The following NIFK variants were observed in gnomAD, a reference collection of about 807,000 sequenced individuals.
NIFK encodes the protein MKI67 FHA domain-interacting nucleolar phosphoprotein.
In NIFK, 16 loss-of-function variants were observed where a neutral mutation model predicts 31.7. The observed-to-expected ratio is 0.50, with a 90% CI of 0.34 to 0.77. NIFK has a LOEUF of 0.77. NIFK is among the 30% of genes least tolerant of loss of function. The pLI is 0.01. For synonymous variants in NIFK, 126 were observed against 123.0 expected, an observed-to-expected ratio of 1.02 and a Z score of -0.16; for missense variants, 341 against 350.4, an observed-to-expected ratio of 0.97 and a Z score of 0.21.
intron 1 of NIFK, 99 bp downstream of exon 1, chr2:121,736,647 A>T: frequency 4.0e-6 from 4 of 1,010,160 alleles, no homozygotes; most frequent in Admixed American, 1.9e-5. Flanking sequence ...GCGAGCACGA[A>T]GGCAAGGGGC....
chr2:121,727,917 A>G lies in NIFK; in HGVS notation c.694-5T>C, dbSNP rs1344382103. The G allele has an allele frequency of 6.3e-7, 1 of 1,579,170 alleles. No individual in the cohort carries two copies. Among genetic ancestry groups the G allele is most frequent in the Non-Finnish European group, 8.5e-7 (1 of 1,170,812 alleles). On this transcript the variant is annotated splice_region_variant and splice_polypyrimidine_tract_variant and intron_variant, in intron 6 of 6. Coordinates refer to ENST00000285814, the MANE Select transcript of NIFK (RefSeq NM_032390.5). ...TGTACAAACTGGTGTGGGGCCCTGG[A>G]TTCAACAAGTAAAGATTATAATACA... is the stretch of plus-strand genomic sequence containing the variant.
chr2:121,727,322 T>A lies in NIFK; in HGVS notation c.*402A>T, dbSNP rs531830288. 1 of 451,220 alleles carries A rather than the reference T, an allele frequency of 2.2e-6. No individual in the cohort carries two copies. The highest frequency in any genetic ancestry group is 2.6e-5 in the Admixed American group (1 of 37,754). The allele number at this position is 451,220 out of a possible 1,614,324, so 28.0% of individuals were successfully genotyped here. A position where few individuals can be genotyped will look rare whatever the true frequency, so the allele number is the denominator to read the frequency against. Reference sequence around the variant, plus strand: ...TTGAAATCTAAAGCACCTCCATGAGTTAAATGTCCCCGACAAACCATGTAG... The same window carrying A: ...TTGAAATCTAAAGCACCTCCATGAGATAAATGTCCCCGACAAACCATGTAG... On this transcript the variant is annotated 3_prime_UTR_variant, in exon 7 of 7. Coordinates refer to ENST00000285814, the MANE Select transcript of NIFK (RefSeq NM_032390.5).
rs985483098 is a variant in NIFK, at chr2:121,727,334, G to A, written c.*390C>T. 4 of 464,708 alleles carry A rather than the reference G, an allele frequency of 8.6e-6. No homozygotes were observed. Among genetic ancestry groups the A allele is most frequent in the Non-Finnish European group, 1.8e-5 (4 of 225,412 alleles). 28.8% of individuals were successfully genotyped at this position (464,708 alleles called of 1,614,324 possible). A position where few individuals can be genotyped will look rare whatever the true frequency, so the allele number is the denominator to read the frequency against. ...GCACCTCCATGAGTTAAATGTCCCCGACAAACCATGTAGATGGACAAACAA... is the reference window on the plus strand; with the variant it reads ...GCACCTCCATGAGTTAAATGTCCCCAACAAACCATGTAGATGGACAAACAA... On this transcript the variant is annotated 3_prime_UTR_variant, in exon 7 of 7. Transcript: ENST00000285814.
At position 121,729,147 on chromosome 2, in the gene NIFK, G is replaced by C. The variant is rs535959567; in HGVS notation, c.565-611C>G. On this transcript the variant is annotated intron_variant, in intron 4 of 6. Coordinates refer to ENST00000285814, the MANE Select transcript of NIFK (RefSeq NM_032390.5). The stretch of plus-strand genomic sequence containing the variant: ...GAGGCCAAGGTGGGTGGATCATGAG[G>C]TCAGGAGTTCGAGACCAGCCTGGCT... 2.1e-3 allele frequency among the ~76,000 whole-genome samples: 317 copies of C among 152,202 alleles called. 2 individuals carry two copies. Among genetic ancestry groups the C allele is most frequent in the African/African-American group, 7.3e-3 (302 of 41,536 alleles).
intron 2 of NIFK, among the ~76,000 whole-genome samples, chr2:121,734,094 C>T (rs934048651): frequency 6.8e-6 from 1 of 146,094 alleles, no homozygotes; most frequent in South Asian, 2.1e-4. Context: ...TTGAGACCAG[C>T]CTGGCCAAAA....
intron 4 of NIFK, among the ~76,000 whole-genome samples, chr2:121,729,408 A>G (rs922120345): frequency 5.3e-5 from 8 of 151,566 alleles, no homozygotes; most frequent in Non-Finnish European, 7.4e-5. Context: ...ACCTTTACCT[A>G]TACTAGCCAT....
chr2:121,728,143 G>T (rs2074505380), intron 6 of NIFK, 145 bp downstream of exon 6: 2 of 710,472 alleles, frequency 2.8e-6, no homozygotes, highest in Non-Finnish European at 4.6e-6. Context: ...GTTTTAGGCA[G>T]AAAATTGCTA....
intron 2 of NIFK, among the ~76,000 whole-genome samples, chr2:121,734,964 T>C (rs892777579): frequency 1.3e-5 from 2 of 152,196 alleles, no homozygotes; most frequent in Non-Finnish European, 2.9e-5. Context: ...TAGGTGTCTA[T>C]GGCTACAACC....
intron 2 of NIFK, 32 bp from the exon 3 acceptor site, chr2:121,732,236 A>T: frequency 7.6e-7 from 1 of 1,319,856 alleles, no homozygotes; most frequent in Non-Finnish European, 1.1e-6. Flanking sequence ...AAAAAGTAGA[A>T]CAATTAAATT....
At chr2:121,729,236 G>A (rs1355265679) in intron 4 of NIFK, among the ~76,000 whole-genome samples, 3 of 152,034 alleles carry the variant, frequency 2.0e-5, no homozygotes, top group Non-Finnish European at 2.9e-5. Context: ...GTGTGGTGGT[G>A]TGTGCCTGTA....
chr2:121,729,209 T>C (rs2074518340), intron 4 of NIFK, among the ~76,000 whole-genome samples: 1 of 151,376 alleles, frequency 6.6e-6, no homozygotes, highest in Non-Finnish European at 1.5e-5. Context: ...CTAAAAAAAA[T>C]ACAAAAAATT....
At chr2:121,730,828 A>T (rs1253840437) in intron 4 of NIFK, 65 bp downstream of exon 4, 1 of 1,082,658 alleles carries the variant, frequency 9.2e-7, no homozygotes, top group Non-Finnish European at 1.4e-6. Context: ...GGTACTTTAC[A>T]AGGTACAAAG....
intron 2 of NIFK, among the ~76,000 whole-genome samples, chr2:121,734,155 G>T (rs1350934431): frequency 6.6e-6 from 1 of 151,780 alleles, no homozygotes; most frequent in East Asian, 1.9e-4. Flanking sequence ...AATTAGCCAG[G>T]TGCAGTGGCC....
intron 2 of NIFK, 50 bp from the exon 3 acceptor site, chr2:121,732,254 G>T: frequency 9.4e-7 from 1 of 1,066,894 alleles, no homozygotes; most frequent in Non-Finnish European, 1.5e-6. Context: ...ATTTGAATGC[G>T]TCATCAAATT....
chr2:121,736,497 C>T (rs1349752442), intron 1 of NIFK, among the ~76,000 whole-genome samples: 1 of 152,238 alleles, frequency 6.6e-6, no homozygotes, highest in South Asian at 2.1e-4. Context: ...CATGAAGGCT[C>T]CAGGGCCTCA....
At chr2:121,736,001 G>C (rs77320684) in intron 1 of NIFK, among the ~76,000 whole-genome samples, 2,098 of 152,284 alleles carry the variant, frequency 0.014, 52 homozygotes, top group African/African-American at 0.048. Context: ...CAACGGATAA[G>C]CAAGGACATC....
intron 4 of NIFK, 102 bp from the exon 5 acceptor site, chr2:121,728,638 A>G (rs1166614255): frequency 9.0e-6 from 6 of 665,768 alleles, no homozygotes; most frequent in Non-Finnish European, 1.5e-5. Flanking sequence ...AAATGACAAG[A>G]GCATTTCATT....
chr2:121,731,667 A>G (rs1163301601), intron 3 of NIFK, among the ~76,000 whole-genome samples: 1 of 152,012 alleles, frequency 6.6e-6, no homozygotes, highest in Non-Finnish European at 1.5e-5. Context: ...TTTTCCTCAC[A>G]TTCTCTCACA....
intron 6 of NIFK, 55 bp from the exon 7 acceptor site, chr2:121,727,967 T>C (rs1469508573): frequency 1.4e-6 from 2 of 1,463,514 alleles, no homozygotes; most frequent in Non-Finnish European, 1.8e-6. Flanking sequence ...GATTATGACT[T>C]TACCCAAAAA....
Sources: gnomAD v4.1 joint callset for allele counts (sites outside exome capture counted in the v4.1 genomes callset) on GRCh38, gnomAD v4.1.1 for gene constraint, MANE v1.5 for transcripts, NCBI Gene and HGNC (gene_info 2026-07-23, HGNC 2026-07-21) for gene names.